NCS1: variants seen among roughly 807,000 people sequenced by gnomAD.
The protein encoded by NCS1 is frequenin homolog.
Under a neutral mutation model 28.4 loss-of-function variants are expected in NCS1, and 6 were observed. The observed-to-expected ratio is 0.21, with a 90% confidence interval of 0.12 to 0.42. The LOEUF (loss-of-function observed/expected upper bound fraction) is 0.42, where lower values mean the gene tolerates loss of function less well. Among genes scored for constraint, NCS1 ranks in the 10% least tolerant of loss-of-function variants. The probability of loss-of-function intolerance (pLI) is 1.00; values close to 1 mark genes in which losing one functional copy is unlikely to be tolerated. For synonymous variants in NCS1, 86 were observed against 99.3 expected, an observed-to-expected ratio of 0.87 and a Z score of 0.79; for missense variants, 131 against 241.4, an observed-to-expected ratio of 0.54 and a Z score of 3.03.
Position 130,192,362 on chromosome 9 carries a change from G to C in NCS1, c.65-8596G>C, listed in dbSNP as rs924173868. Among the ~76,000 whole-genome samples, 2 of 152,060 alleles carry C rather than the reference G, an allele frequency of 1.3e-5. No individual in the cohort carries two copies. Among genetic ancestry groups the C allele is most frequent in the African/African-American group, 4.8e-5 (2 of 41,394 alleles). On this transcript the variant is annotated intron_variant, in intron 1 of 7. Coordinates refer to ENST00000372398, the MANE Select transcript of NCS1 (RefSeq NM_014286.4). This position sits in a 1 kb window ranked among gnomAD's most constrained non-coding sequence, Gnocchi z 4.8. ...TCGAGGGTTAATGAGTCTGGGGCCC[G>C]GCCACGTTGTCTGGCCCAGAGCCTG...
intron 1 of NCS1, among the ~76,000 whole-genome samples, chr9:130,176,138 T>TTTTCTTTCTTTCTTTC (rs71387327): frequency 0.032 from 3,249 of 102,108 alleles, 152 homozygotes; most frequent in East Asian, 0.047. Context: ...TATTTGTTCA[T>TTTTCTTTCTTTCTTTC]TTTCTTTCTT....
chr9:130,221,886 A>AAAT, intron 4 of NCS1, among the ~76,000 whole-genome samples: 1 of 252 alleles, frequency 4.0e-3, no homozygotes, highest in African/African-American at 9.3e-3. Context: ...TACATAATAC[A>AAAT]TAAATATAAA....
intron 6 of NCS1, among the ~76,000 whole-genome samples, chr9:130,225,589 C>T (rs1554911277): frequency 6.6e-6 from 1 of 152,226 alleles, no homozygotes; most frequent in East Asian, 1.9e-4. Flanking sequence ...GCCCTGGGGC[C>T]TGGGTAGGTG....
chr9:130,193,024 A>T (rs1554906416), intron 1 of NCS1, among the ~76,000 whole-genome samples: 1 of 152,178 alleles, frequency 6.6e-6, no homozygotes. Flanking sequence ...GTCCCACAAG[A>T]GACCACCACC....
At chr9:130,183,335 G>T (rs1832691203) in intron 1 of NCS1, among the ~76,000 whole-genome samples, 1 of 152,212 alleles carries the variant, frequency 6.6e-6, no homozygotes, top group African/African-American at 2.4e-5. Flanking sequence ...CCCAGGAGGG[G>T]TGCAGGGCAG....
chr9:130,212,421 A>G (rs1833125258), intron 2 of NCS1, among the ~76,000 whole-genome samples: 1 of 151,134 alleles, frequency 6.6e-6, no homozygotes, highest in Admixed American at 6.6e-5. Context: ...CTAAGTGTCT[A>G]CTATGCACAG....
intron 6 of NCS1, among the ~76,000 whole-genome samples, chr9:130,224,741 A>C (rs1833388444): frequency 6.6e-6 from 1 of 151,954 alleles, no homozygotes; most frequent in Non-Finnish European, 1.5e-5. Context: ...AAACCTGCAC[A>C]TGTATCCTTG....
intron 2 of NCS1, among the ~76,000 whole-genome samples, chr9:130,216,379 G>A (rs1471921751): frequency 6.6e-6 from 1 of 152,158 alleles, no homozygotes; most frequent in Non-Finnish European, 1.5e-5. Context: ...TCGAGGACTT[G>A]CAAATGTCTT....
intron 1 of NCS1, among the ~76,000 whole-genome samples, chr9:130,197,126 C>T (rs751560187): frequency 6.6e-6 from 1 of 152,186 alleles, no homozygotes; most frequent in African/African-American, 2.4e-5. Flanking sequence ...CCTTCCACTG[C>T]ATCAAATTAA....
rs1554904498 is a variant in NCS1, at chr9:130,175,394, TGATTAATAAA to T, written c.64+2668_64+2677del. On this transcript the variant is annotated intron_variant, in intron 1 of 7. Coordinates refer to ENST00000372398, the MANE Select transcript of NCS1 (RefSeq NM_014286.4). This position sits in a 1 kb window ranked among gnomAD's most constrained non-coding sequence, Gnocchi z 4.9. Reference sequence around the variant, plus strand: ...CTCTCAAATGTCAGAATCTCCTGGTTGATTAATAAACATGAAGGTACCTGGGCTGCCCTCC... The same window carrying T: ...CTCTCAAATGTCAGAATCTCCTGGTTCATGAAGGTACCTGGGCTGCCCTCC... 2.0e-5 allele frequency among the ~76,000 whole-genome samples: 3 copies of T among 152,140 alleles called. No individual in the cohort carries two copies. In the East Asian group the frequency reaches 5.8e-4, roughly 29 times the overall value.
At position 130,181,070 on chromosome 9, in the gene NCS1, C is replaced by T. The variant is rs1399496960; in HGVS notation, c.64+8343C>T. Among the ~76,000 whole-genome samples, 1 of 152,162 alleles carries T rather than the reference C, an allele frequency of 6.6e-6. No individual in the cohort carries two copies. The highest frequency in any genetic ancestry group is 1.5e-5 in the Non-Finnish European group (1 of 68,030). The stretch of plus-strand genomic sequence containing the variant: ...CAGTGGCTTTGGAGTCACTAGTTCC[C>T]TCTGGGACTCAGTTTCCCTTTCTGT... On this transcript the variant is annotated intron_variant, in intron 1 of 7. Transcript: ENST00000372398. This position sits in a 1 kb window ranked among gnomAD's most constrained non-coding sequence, Gnocchi z 5.0.
intron 1 of NCS1, among the ~76,000 whole-genome samples, chr9:130,197,532 G>A (rs782440604): frequency 6.6e-6 from 1 of 152,292 alleles, no homozygotes; most frequent in Non-Finnish European, 1.5e-5. Context: ...TCTCCAGGTT[G>A]GGGTGGTAGC....
At chr9:130,176,636 A>G (rs1254675010) in intron 1 of NCS1, among the ~76,000 whole-genome samples, 1 of 152,186 alleles carries the variant, frequency 6.6e-6, no homozygotes, top group African/African-American at 2.4e-5. Flanking sequence ...GGTGACATCT[A>G]TGACTGCTGT....
chr9:130,229,758 A>C (rs942079572), intron 7 of NCS1, among the ~76,000 whole-genome samples: 9 of 152,084 alleles, frequency 5.9e-5, no homozygotes, highest in African/African-American at 2.2e-4. Context: ...TCTTTCTTCT[A>C]TAGGGCTGTT....
rs375536930 is a variant in NCS1, at chr9:130,186,526, G to A, written c.64+13799G>A. Among the ~76,000 whole-genome samples the A allele has an allele frequency of 1.5e-4, 23 of 152,234 alleles. No individual in the cohort carries two copies. The highest frequency in any genetic ancestry group is 5.1e-4 in the African/African-American group (21 of 41,536). The stretch of plus-strand genomic sequence containing the variant: ...TGCGGGGAGGGTTTGTGTGGGGGAC[G>A]ATGAGAGTGCTTCAGGCAGCAGGAA... On this transcript the variant is annotated intron_variant, in intron 1 of 7. Coordinates refer to ENST00000372398, the MANE Select transcript of NCS1 (RefSeq NM_014286.4). This position sits in a 1 kb window ranked among gnomAD's most constrained non-coding sequence, Gnocchi z 4.1.
intron 6 of NCS1, among the ~76,000 whole-genome samples, chr9:130,224,203 C>G (rs1280802980): frequency 6.7e-6 from 1 of 148,932 alleles, no homozygotes; most frequent in Non-Finnish European, 1.5e-5. Flanking sequence ...ACCTGTAATC[C>G]CAGCATTTTG....
At chr9:130,197,057 TC>T (rs1832885825) in intron 1 of NCS1, among the ~76,000 whole-genome samples, 1 of 152,242 alleles carries the variant, frequency 6.6e-6, no homozygotes, top group Non-Finnish European at 1.5e-5. Flanking sequence ...TCTGATTATG[TC>T]CTTGTGGTTA....
rs1404063573 is a variant in NCS1 at position 130,188,491 on chromosome 9, C to CGGCTCGATCTT, written c.65-12464_65-12463insTCGATCTTGGC. Among the ~76,000 whole-genome samples the CGGCTCGATCTT allele has an allele frequency of 6.9e-5, 10 of 144,268 alleles. No individual in the cohort carries two copies. The East Asian group carries it at 1.3e-3, about 18-fold the overall frequency. 94.6% of individuals were successfully genotyped at this position (144,268 alleles called of 152,430 possible). ...AGGCTGGAGTGCAATGGCTCGATCTCGGCGGAGCCTCCTGGGTTCAAGTGA... is the reference window on the plus strand; with the variant it reads ...AGGCTGGAGTGCAATGGCTCGATCTCGGCTCGATCTTGGCGGAGCCTCCTGGGTTCAAGTGA... On this transcript the variant is annotated intron_variant, in intron 1 of 7. Coordinates refer to ENST00000372398, the MANE Select transcript of NCS1 (RefSeq NM_014286.4).
At chr9:130,222,865 C>T in intron 5 of NCS1, 127 bp downstream of exon 5, 1 of 1,028,928 alleles carries the variant, frequency 9.7e-7, no homozygotes, top group Non-Finnish European at 1.5e-6. Flanking sequence ...ACTGGCTGAG[C>T]CGTTCTGTAC....
Sources: allele counts gnomAD v4.1 joint callset (sites outside exome capture counted in the v4.1 genomes callset), GRCh38; gene constraint gnomAD v4.1.1; non-coding constraint Gnocchi (gnomAD v3.1); transcripts MANE v1.5; gene names NCBI Gene and HGNC (gene_info 2026-07-23, HGNC 2026-07-21).